Variants in CFHR4 observed in about 807,000 individuals in gnomAD.
CFHR4 encodes complement factor H-related protein 4.
CFHR4 carries 64 observed loss-of-function variants against 69.3 expected under a neutral mutation model. The observed-to-expected ratio is 0.92, with a 90% CI of 0.76 to 1.14. CFHR4 has a LOEUF of 1.14. Ranked by LOEUF, CFHR4 falls within the 50% of genes most tolerant of loss-of-function variation. CFHR4 has a pLI of 0.00. For synonymous variants in CFHR4, 244 were observed against 237.0 expected, an observed-to-expected ratio of 1.03 and a Z score of -0.27; for missense variants, 636 against 684.9, an observed-to-expected ratio of 0.93 and a Z score of 0.80.
intron 1 of CFHR4, 74 bp from the exon 2 acceptor site, chr1:196,902,344 G>T: frequency 9.5e-7 from 1 of 1,050,254 alleles, no homozygotes; most frequent in Non-Finnish European, 1.4e-6. Context: ...ATAATTTATT[G>T]ATCAAAAATG....
At chr1:196,910,503 A>T (rs959359717) in intron 6 of CFHR4, 25 bp downstream of exon 6, 19 of 1,573,522 alleles carry the variant, frequency 1.2e-5, no homozygotes, top group Admixed American at 1.7e-5. Flanking sequence ...TTACAACAAT[A>T]TGTGCATAAA....
chr1:196,910,841 T>TA (rs1380169590), intron 6 of CFHR4, among the ~76,000 whole-genome samples: 1 of 151,594 alleles, frequency 6.6e-6, no homozygotes, highest in Non-Finnish European at 1.5e-5. Context: ...TTCAAAAAAT[T>TA]ATTTTAATAT....
At chr1:196,892,881 A>C (rs1657106173) in intron 1 of CFHR4, among the ~76,000 whole-genome samples, 1 of 151,548 alleles carries the variant, frequency 6.6e-6, no homozygotes, top group Non-Finnish European at 1.5e-5. Context: ...TAGCTTTAAA[A>C]AGAAAATTCC....
Position 196,914,573 on chromosome 1 carries a change from A to G in CFHR4, c.1259A>G (p.Asp420Gly). 1 of 1,611,856 alleles carries G rather than the reference A, an allele frequency of 6.2e-7. No homozygotes were observed. Among genetic ancestry groups the G allele is most frequent in the African/African-American group, 1.3e-5 (1 of 74,496 alleles). Residue 420 changes from aspartate to glycine, a missense_variant, in exon 8 of 10, where the codon GAC (aspartate) becomes GGC (glycine). Around this residue, in one of 3 missense-constraint regions of CFHR4, gnomAD observed 529 missense variants for 533.2 expected, o/e 0.99. Coordinates refer to ENST00000608469, the MANE Select transcript of CFHR4 (RefSeq NM_001201550.3). ...CGGTTTAAGCTCCATGACACATTGG[A>G]CTACGAATGCTACGATGGATATGAA... The part of the protein sequence containing the change: ...GMRFKLHDTL[D>G]YECYDGYEIS...
In CFHR4 at chr1:196,909,260, A is replaced by G. The variant is rs558769265; in HGVS notation, c.800-1021A>G. ...TATCTGAGGACATAAGATCAGTTCC[A>G]TGATACAAGCAAGACTTTCAGTCTT... On this transcript the variant is annotated intron_variant, in intron 5 of 9. Transcript: ENST00000608469. 1.6e-3 allele frequency among the ~76,000 whole-genome samples: 242 copies of G among 151,602 alleles called. 7 individuals are homozygous for G. The highest frequency in any genetic ancestry group is 5.4e-3 in the African/African-American group (224 of 41,156).
chr1:196,908,509 A>C lies in CFHR4; in HGVS notation c.799+1011A>C, dbSNP rs566415945. Among the ~76,000 whole-genome samples, 26 of 151,356 alleles carry C rather than the reference A, an allele frequency of 1.7e-4. 1 individual carries two copies. The South Asian group carries it at 4.6e-3, about 27-fold the overall frequency. Reference sequence around the variant, plus strand: ...GCCAATGCTTTCTGTTTTCACCTTCATCTCCTCTCCCCTCGTCCCAGAATG... The same window carrying C: ...GCCAATGCTTTCTGTTTTCACCTTCCTCTCCTCTCCCCTCGTCCCAGAATG... On this transcript the variant is annotated intron_variant, in intron 5 of 9. Coordinates refer to ENST00000608469, the MANE Select transcript of CFHR4 (RefSeq NM_001201550.3).
At chr1:196,917,035 A>G (rs992813297) in intron 9 of CFHR4, among the ~76,000 whole-genome samples, 4 of 151,708 alleles carry the variant, frequency 2.6e-5, no homozygotes, top group Non-Finnish European at 2.9e-5. Context: ...AATAATATTT[A>G]TTTTTGAATT....
At chr1:196,893,204 G>T (rs1004082796) in intron 1 of CFHR4, among the ~76,000 whole-genome samples, 2 of 151,698 alleles carry the variant, frequency 1.3e-5, no homozygotes, top group African/African-American at 2.4e-5. Flanking sequence ...AAATTGTAGC[G>T]TAAGAAGCAT....
chr1:196,890,327 T>C (rs1193078896), intron 1 of CFHR4, among the ~76,000 whole-genome samples: 1 of 151,554 alleles, frequency 6.6e-6, no homozygotes, highest in Non-Finnish European at 1.5e-5. Flanking sequence ...ACTTTGTGAG[T>C]TGCCTATGCT....
At chr1:196,913,468 G>A (rs536088043) in intron 7 of CFHR4, among the ~76,000 whole-genome samples, 4 of 151,372 alleles carry the variant, frequency 2.6e-5, no homozygotes, top group South Asian at 4.2e-4. Context: ...AAAGGAAAAG[G>A]GTAGGTGGGT....
At chr1:196,897,069 G>C (rs1055756286) in intron 1 of CFHR4, among the ~76,000 whole-genome samples, 7 of 151,376 alleles carry the variant, frequency 4.6e-5, no homozygotes, top group Admixed American at 1.3e-4. Context: ...GAAAAGGCAG[G>C]GCTCTGAATT....
At chr1:196,901,417 A>T (rs1657594755) in intron 1 of CFHR4, among the ~76,000 whole-genome samples, 1 of 151,440 alleles carries the variant, frequency 6.6e-6, no homozygotes, top group South Asian at 2.1e-4. Context: ...ACTGCCTGAA[A>T]ATCTCGCTAA....
At position 196,910,263 on chromosome 1, in the gene CFHR4, T is replaced by A. The variant is rs540816872; in HGVS notation, c.800-18T>A. 16 of 1,485,272 alleles carry A rather than the reference T, an allele frequency of 1.1e-5. No homozygotes were observed. In the East Asian group the frequency reaches 3.5e-4, roughly 32 times the overall value. 92.0% of individuals were successfully genotyped at this position (1,485,272 alleles called of 1,614,324 possible). On this transcript the variant is annotated intron_variant, in intron 5 of 9. Transcript: ENST00000608469. Reference sequence around the variant, plus strand: ...ACAGTGAAACATTATTTATACTATTTTTGTTTTTTGTTACAAGCAATGAAA... The same window carrying A: ...ACAGTGAAACATTATTTATACTATTATTGTTTTTTGTTACAAGCAATGAAA...
At position 196,901,797 on chromosome 1, in the gene CFHR4, C is replaced by A. The variant is rs565269054; in HGVS notation, c.59-621C>A. ...CATTAAAAACATCTTATTTTCTAAT[C>A]AAAATTAAAAATTAATAAAAATGCT... On this transcript the variant is annotated intron_variant, in intron 1 of 9. Coordinates refer to ENST00000608469, the MANE Select transcript of CFHR4 (RefSeq NM_001201550.3). Among the ~76,000 whole-genome samples, 64 of 150,766 alleles carry A rather than the reference C, an allele frequency of 4.2e-4. 2 individuals are homozygous for A. The highest frequency in any genetic ancestry group is 1.5e-3 in the African/African-American group (62 of 40,688).
intron 2 of CFHR4, among the ~76,000 whole-genome samples, chr1:196,904,270 T>A (rs1226108646): frequency 1.3e-5 from 2 of 151,650 alleles, no homozygotes; most frequent in Non-Finnish European, 2.9e-5. Context: ...AGGAGATTAA[T>A]CGAAAAGTTG....
At chr1:196,896,929 G>A (rs903063541) in intron 1 of CFHR4, among the ~76,000 whole-genome samples, 1 of 151,126 alleles carries the variant, frequency 6.6e-6, no homozygotes, top group Non-Finnish European at 1.5e-5. Flanking sequence ...TAAGTTCTAG[G>A]GTACATGTGC....
chr1:196,894,337 A>G (rs1413685843), intron 1 of CFHR4, among the ~76,000 whole-genome samples: 1 of 151,582 alleles, frequency 6.6e-6, no homozygotes, highest in Non-Finnish European at 1.5e-5. Context: ...AATGGAGACA[A>G]AAACCATTGT....
intron 7 of CFHR4, among the ~76,000 whole-genome samples, chr1:196,913,248 T>G (rs1296134370): frequency 1.3e-5 from 2 of 151,546 alleles, no homozygotes; most frequent in Non-Finnish European, 2.9e-5. Context: ...TTTCCCTTTC[T>G]TTGTATTTCA....
At chr1:196,898,418 T>C (rs1213524378) in intron 1 of CFHR4, among the ~76,000 whole-genome samples, 1 of 151,614 alleles carries the variant, frequency 6.6e-6, no homozygotes, top group Non-Finnish European at 1.5e-5. Flanking sequence ...TATGGAGTTT[T>C]GAGAAGTCTT....
Sources: allele counts gnomAD v4.1 joint callset (sites outside exome capture counted in the v4.1 genomes callset), GRCh38; gene constraint gnomAD v4.1.1; regional missense constraint gnomAD v4.1.1; transcripts MANE v1.5; gene names NCBI Gene and HGNC (gene_info 2026-07-23, HGNC 2026-07-21).